NOP58: variants seen among roughly 807,000 people sequenced by gnomAD.
The protein encoded by NOP58 is NOP58 ribonucleoprotein.
NOP58 carries 44 observed loss-of-function variants against 71.2 expected under a neutral mutation model. That is an observed-to-expected ratio of 0.62 (90% confidence interval 0.49 to 0.79). The LOEUF (loss-of-function observed/expected upper bound fraction) is 0.79, where lower values mean the gene tolerates loss of function less well. NOP58 is among the 30% of genes least tolerant of loss of function. The probability of loss-of-function intolerance (pLI) is 0.00; values close to 1 mark genes in which losing one functional copy is unlikely to be tolerated. For synonymous variants in NOP58, 228 were observed against 200.3 expected, an observed-to-expected ratio of 1.14 and a Z score of -1.17; for missense variants, 538 against 620.2, an observed-to-expected ratio of 0.87 and a Z score of 1.41.
At chr2:202,278,082 T>C (rs1223008027) in intron 3 of NOP58, 80 bp downstream of exon 3, 3 of 865,496 alleles carry the variant, frequency 3.5e-6, no homozygotes, top group Non-Finnish European at 6.0e-6. Flanking sequence ...AAAGGTTGTT[T>C]GCTTCAGTTG....
In NOP58 at chr2:202,303,377, T is replaced by A; in HGVS notation, c.1540-9T>A. On this transcript the variant is annotated splice_polypyrimidine_tract_variant and intron_variant, in intron 14 of 14. Coordinates refer to ENST00000264279, the MANE Select transcript of NOP58 (RefSeq NM_015934.5). ...GCTCTTTCAAAGCATTCTTGTTGGCTATTTTCAGAGTCCAGAGAAAAAGAA... is the reference window on the plus strand; with the variant it reads ...GCTCTTTCAAAGCATTCTTGTTGGCAATTTTCAGAGTCCAGAGAAAAAGAA... The A allele has an allele frequency of 6.2e-7, 1 of 1,612,384 alleles. No individual in the cohort carries two copies. Among genetic ancestry groups the A allele is most frequent in the Admixed American group, 1.7e-5 (1 of 59,852 alleles).
At chr2:202,279,512 A>G (rs1338706346) in intron 3 of NOP58, among the ~76,000 whole-genome samples, 1 of 152,210 alleles carries the variant, frequency 6.6e-6, no homozygotes, top group African/African-American at 2.4e-5. Context: ...ATAATGTACA[A>G]TAAGGCTGGG....
At chr2:202,269,011 G>T (rs6711229) in intron 1 of NOP58, among the ~76,000 whole-genome samples, 18,770 of 151,832 alleles carry the variant, frequency 0.12, 3,914 homozygotes, top group African/African-American at 0.43. Context: ...TTATTTTGAG[G>T]CAGGGTCTTG....
rs770251906 is a variant in NOP58 at position 202,303,005 on chromosome 2, T to G, written c.1487T>G (p.Ile496Ser). The change falls in exon 14 of 15, where the codon ATT becomes AGT. Residue 496 changes from isoleucine (I) to serine (S), a missense_variant. Ile to Ser is a moderately radical substitution (Grantham distance 142). Coordinates refer to ENST00000264279, the MANE Select transcript of NOP58 (RefSeq NM_015934.5). ...AAGAAAAGGGGTAAAAAGAAACACA[T>G]TAAGGAAGAACCACTTTCTGAGGAA... Reference protein sequence around the residue: ...KKKKRGKKKHIKEEPLSEEEP... With the variant: ...KKKKRGKKKHSKEEPLSEEEP... 1.2e-6 allele frequency: 2 copies of G among 1,612,876 alleles called. No individual in the cohort carries two copies. Among genetic ancestry groups the G allele is most frequent in the Admixed American group, 1.7e-5 (1 of 59,974 alleles).
Position 202,282,480 on chromosome 2 carries a change from C to G in NOP58, c.297+8C>G. On this transcript the variant is annotated splice_region_variant and intron_variant, in intron 4 of 14. Coordinates refer to ENST00000264279, the MANE Select transcript of NOP58 (RefSeq NM_015934.5). Reference sequence around the variant, plus strand: ...CTAGGAGGGGTCATAAAGGTAAAGTCACGATATTTTTGGTCATGCCTGCTA... The same window carrying G: ...CTAGGAGGGGTCATAAAGGTAAAGTGACGATATTTTTGGTCATGCCTGCTA... 1 of 1,603,358 alleles carries G rather than the reference C, an allele frequency of 6.2e-7. No individual in the cohort carries two copies. Among genetic ancestry groups the G allele is most frequent in the Non-Finnish European group, 8.5e-7 (1 of 1,177,508 alleles).
At chr2:202,291,035 G>A in intron 7 of NOP58, 90 bp from the exon 8 acceptor site, 1 of 1,200,232 alleles carries the variant, frequency 8.3e-7, no homozygotes, top group Non-Finnish European at 1.1e-6. Context: ...CCTTTTCATT[G>A]GCTTTCTACT....
intron 3 of NOP58, chr2:202,278,470 A>G (rs1267524052): frequency 5.8e-6 from 2 of 342,410 alleles, no homozygotes; most frequent in East Asian, 1.5e-4. Context: ...AAAAAAACAT[A>G]TCAATATTCA....
At chr2:202,272,637 A>G (rs564813453) in intron 1 of NOP58, among the ~76,000 whole-genome samples, 103 of 152,322 alleles carry the variant, frequency 6.8e-4, no homozygotes, top group African/African-American at 2.0e-3. Flanking sequence ...ACACCTCACC[A>G]AGTCTCATGA....
intron 1 of NOP58, among the ~76,000 whole-genome samples, chr2:202,273,155 A>G (rs1399765627): frequency 1.3e-5 from 2 of 152,202 alleles, no homozygotes; most frequent in African/African-American, 2.4e-5. Context: ...AAAAAATACT[A>G]TCACCATTCT....
At position 202,302,752 on chromosome 2, in the gene NOP58, T is replaced by A. The variant is rs189496257; in HGVS notation, c.1403-169T>A. 2.7e-4 allele frequency among the ~76,000 whole-genome samples: 41 copies of A among 152,282 alleles called. 1 individual carries two copies. The highest frequency in any genetic ancestry group is 9.9e-4 in the African/African-American group (41 of 41,560). On this transcript the variant is annotated intron_variant, in intron 13 of 14. Transcript: ENST00000264279. ...CTCTGAGCTCTATCTATATCATTCG[T>A]TAAAGTTAGTGGTAGGCCTTGGAGA... is the stretch of plus-strand genomic sequence containing the variant.
intron 2 of NOP58, chr2:202,275,486 A>G: frequency 4.2e-6 from 1 of 238,732 alleles, no homozygotes; most frequent in Non-Finnish European, 8.1e-6. Context: ...GTAGGAACAC[A>G]TTTGTCTTCG....
Position 202,295,751 on chromosome 2 carries a change from C to G in NOP58, c.985C>G (p.Leu329Val), listed in dbSNP as rs779151003. Residue 329 changes from leucine to valine, a missense_variant, in exon 10 of 15, where the codon CTC becomes GTC. By Grantham distance (32) the Leu-to-Val change is conservative. Coordinates refer to ENST00000264279, the MANE Select transcript of NOP58 (RefSeq NM_015934.5). Reference protein sequence around the residue: ...LGAEKALFRALKSRRDTPKYG... With the variant: ...LGAEKALFRAVKSRRDTPKYG... ...AGCTGAAAAGGCACTTTTCAGAGCC[C>G]TCAAATCTAGACGGGATACCCCTAA... 2.4e-5 allele frequency: 38 copies of G among 1,611,866 alleles called. No individual in the cohort carries two copies. Among genetic ancestry groups the G allele is most frequent in the Non-Finnish European group, 3.1e-5 (36 of 1,179,140 alleles).
At chr2:202,283,998 C>T (rs1462787695) in intron 4 of NOP58, among the ~76,000 whole-genome samples, 3 of 151,998 alleles carry the variant, frequency 2.0e-5, no homozygotes, top group Admixed American at 6.6e-5. Flanking sequence ...GAAATAATTT[C>T]AGGCTGGGCG....
intron 12 of NOP58, among the ~76,000 whole-genome samples, chr2:202,299,295 A>C (rs1240046986): frequency 6.6e-6 from 1 of 152,170 alleles, no homozygotes; most frequent in African/African-American, 2.4e-5. Context: ...TTATAAGTGG[A>C]TGAGGAGAGT....
At chr2:202,293,491 C>A (rs1185199917) in intron 9 of NOP58, among the ~76,000 whole-genome samples, 1 of 152,206 alleles carries the variant, frequency 6.6e-6, no homozygotes, top group African/African-American at 2.4e-5. Flanking sequence ...CAATGAAGTA[C>A]TGATTCATCA....
At chr2:202,274,927 A>C (rs550558981) in intron 1 of NOP58, among the ~76,000 whole-genome samples, 186 bp from the exon 2 acceptor site, 2 of 152,316 alleles carry the variant, frequency 1.3e-5, no homozygotes, top group African/African-American at 4.8e-5. Flanking sequence ...TTTAGCTGTT[A>C]AATGGGCAAT....
intron 1 of NOP58, among the ~76,000 whole-genome samples, chr2:202,266,320 T>C (rs1374364436): frequency 6.6e-6 from 1 of 151,402 alleles, no homozygotes; most frequent in Non-Finnish European, 1.5e-5. Context: ...TTTTTTGAGA[T>C]GGAGTTTCGC....
chr2:202,280,917 G>A (rs977474855), intron 3 of NOP58, among the ~76,000 whole-genome samples: 1 of 151,576 alleles, frequency 6.6e-6, no homozygotes, highest in African/African-American at 2.4e-5. Flanking sequence ...CAGAGATGGG[G>A]TTTCACCATG....
intron 6 of NOP58, 41 bp downstream of exon 6, chr2:202,287,765 C>G (rs1688818274): frequency 7.3e-7 from 1 of 1,377,874 alleles, no homozygotes; most frequent in Admixed American, 1.7e-5. Flanking sequence ...TTGCTCTGTC[C>G]TTCATGCGTT....
Sources: allele counts gnomAD v4.1 joint callset (sites outside exome capture counted in the v4.1 genomes callset), GRCh38; gene constraint gnomAD v4.1.1; transcripts MANE v1.5; gene names NCBI Gene and HGNC (gene_info 2026-07-23, HGNC 2026-07-21).